The following TNFSF4 variants were observed in gnomAD, a reference collection of about 807,000 sequenced individuals.
TNFSF4 encodes the protein tumor necrosis factor ligand superfamily member 4.
Under a neutral mutation model 7.3 loss-of-function variants are expected in TNFSF4, and 4 were observed. The observed-to-expected ratio is 0.55, with a 90% confidence interval of 0.27 to 1.25. The LOEUF (loss-of-function observed/expected upper bound fraction) is 1.25. TNFSF4 is among the 50% of genes most tolerant of loss of function. The pLI is 0.12. For synonymous variants in TNFSF4, 76 were observed against 83.7 expected, an observed-to-expected ratio of 0.91 and a Z score of 0.50; for missense variants, 181 against 208.8, an observed-to-expected ratio of 0.87 and a Z score of 0.82.
At chr1:173,442,499 G>A in the TNFSF4 span, among the ~76,000 whole-genome samples, 22,707 of 150,682 alleles carry the variant, frequency 0.15, 2,081 homozygotes, top group East Asian at 0.31. Context: ...TAATCCACTC[G>A]GGTTTTTTTG....
intron 1 of TNFSF4, among the ~76,000 whole-genome samples, chr1:173,198,186 A>T (rs1649786376): frequency 6.6e-6 from 1 of 152,210 alleles, no homozygotes; most frequent in Admixed American, 6.5e-5. Context: ...TGGTAGACTG[A>T]ACAAGACATT....
the TNFSF4 span, among the ~76,000 whole-genome samples, chr1:173,292,242 C>T: frequency 2.0e-5 from 3 of 152,240 alleles, no homozygotes; most frequent in Non-Finnish European, 4.4e-5. Context: ...CAACAAAATA[C>T]TAGCAAATCA....
chr1:173,278,160 T>A, the TNFSF4 span, among the ~76,000 whole-genome samples: 1 of 152,114 alleles, frequency 6.6e-6, no homozygotes, highest in Non-Finnish European at 1.5e-5. Context: ...TCAATACAAT[T>A]TCAAGTCTTG....
chr1:173,402,708 G>A, the TNFSF4 span, among the ~76,000 whole-genome samples: 2 of 152,228 alleles, frequency 1.3e-5, no homozygotes, highest in Non-Finnish European at 2.9e-5. Flanking sequence ...ACATGGCAGA[G>A]AAGGGTGAGT....
chr1:173,198,376 G>T (rs534512299), intron 1 of TNFSF4, among the ~76,000 whole-genome samples: 54 of 152,350 alleles, frequency 3.5e-4, no homozygotes, highest in African/African-American at 1.2e-3. Flanking sequence ...AAGCGAGATA[G>T]ATTTCAAAGG....
chr1:173,421,261 T>TA, the TNFSF4 span, among the ~76,000 whole-genome samples: 1 of 152,152 alleles, frequency 6.6e-6, no homozygotes. Flanking sequence ...ATATTTACAC[T>TA]AAAAAATAAT....
the TNFSF4 span, among the ~76,000 whole-genome samples, chr1:173,416,608 T>TTGTATTTATTTATTTATTTATTTA: frequency 8.2e-6 from 1 of 121,942 alleles, no homozygotes; most frequent in African/African-American, 3.1e-5. Context: ...ATTTTTTTAT[T>TTGTATTTATTTATTTATTTATTTA]TTTATTTATT....
At chr1:173,235,604 G>A in the TNFSF4 span, among the ~76,000 whole-genome samples, 1 of 152,216 alleles carries the variant, frequency 6.6e-6, no homozygotes, top group Non-Finnish European at 1.5e-5. Context: ...CTACGCATGT[G>A]TTAAGGGACA....
chr1:173,364,427 T>G, the TNFSF4 span, among the ~76,000 whole-genome samples: 1 of 149,172 alleles, frequency 6.7e-6, no homozygotes, highest in Non-Finnish European at 1.5e-5. Flanking sequence ...ATATACATAT[T>G]CACAGATGTA....
the TNFSF4 span, among the ~76,000 whole-genome samples, chr1:173,299,626 T>C: frequency 1.3e-5 from 2 of 152,112 alleles, no homozygotes; most frequent in South Asian, 4.1e-4. Context: ...TCATAAGTGC[T>C]TTTTGTATTG....
the TNFSF4 span, among the ~76,000 whole-genome samples, chr1:173,336,761 A>T: frequency 3.9e-5 from 6 of 152,174 alleles, no homozygotes; most frequent in African/African-American, 1.4e-4. Flanking sequence ...GGTGGGAAAT[A>T]AATCCAGTAA....
intron 1 of TNFSF4, among the ~76,000 whole-genome samples, chr1:173,198,969 G>A (rs1649828992): frequency 6.6e-6 from 1 of 152,174 alleles, no homozygotes; most frequent in African/African-American, 2.4e-5. Flanking sequence ...ATTAATGGCA[G>A]TGAAACCAAG....
chr1:173,265,337 C>T, the TNFSF4 span, among the ~76,000 whole-genome samples: 2 of 152,108 alleles, frequency 1.3e-5, no homozygotes, highest in African/African-American at 4.8e-5. Context: ...TTCCTTGACA[C>T]TACTTGTGAC....
the TNFSF4 span, among the ~76,000 whole-genome samples, chr1:173,264,665 A>C: frequency 6.6e-6 from 1 of 152,180 alleles, no homozygotes; most frequent in African/African-American, 2.4e-5. Context: ...GACATTATTC[A>C]ATTTTAACAA....
the TNFSF4 span, among the ~76,000 whole-genome samples, chr1:173,404,120 T>A: frequency 6.6e-6 from 1 of 152,170 alleles, no homozygotes. Context: ...CGTGACCCCA[T>A]GTCTATTGAC....
chr1:173,205,223 A>C, intron 1 of TNFSF4: 1 of 1,518,870 alleles, frequency 6.6e-7, no homozygotes, highest in Non-Finnish European at 9.0e-7. Context: ...ATGTTTCTTA[A>C]GCAAACAACT....
chr1:173,439,759 G>A, the TNFSF4 span, among the ~76,000 whole-genome samples: 2 of 152,138 alleles, frequency 1.3e-5, no homozygotes, highest in African/African-American at 4.8e-5. Context: ...CCAGAAGGCC[G>A]CATGATCCCT....
At chr1:173,223,560 C>G in the TNFSF4 span, among the ~76,000 whole-genome samples, 2 of 152,164 alleles carry the variant, frequency 1.3e-5, no homozygotes, top group South Asian at 4.1e-4. Context: ...TTCAGAAGTT[C>G]ACTGGAAGAG....
At chr1:173,363,655 G>T in the TNFSF4 span, 1 of 361,662 alleles carries the variant, frequency 2.8e-6, no homozygotes. Context: ...TGGAGATGAA[G>T]AATGCTGAAC....
Sources: allele counts gnomAD v4.1 joint callset (sites outside exome capture counted in the v4.1 genomes callset), GRCh38; gene constraint gnomAD v4.1.1; transcripts MANE v1.5; gene names NCBI Gene and HGNC (gene_info 2026-07-23, HGNC 2026-07-21).